EFCAB6: variants seen among roughly 807,000 people sequenced by gnomAD.
The protein encoded by EFCAB6 is EF-hand calcium binding domain 6.
EFCAB6 carries 156 observed loss-of-function variants against 169.8 expected under a neutral mutation model. The ratio of observed to expected loss-of-function variants is 0.92; its 90% CI spans 0.81 to 1.05. The LOEUF is 1.05. Among genes scored for constraint, EFCAB6 ranks in the 50% least tolerant of loss-of-function variants. The pLI is 0.00. For missense variants in EFCAB6, 1,800 were observed against 1,829.1 expected (o/e 0.98, Z 0.29); for synonymous variants, 698 against 676.4 (o/e 1.03, Z -0.50).
intron 17 of EFCAB6, among the ~76,000 whole-genome samples, chr22:43,637,484 C>T (rs1480953884): frequency 6.6e-6 from 1 of 152,202 alleles, no homozygotes; most frequent in East Asian, 1.9e-4. Context: ...TACGCTGGTC[C>T]AATCAGTCAG....
intron 10 of EFCAB6, among the ~76,000 whole-genome samples, chr22:43,693,085 C>G (rs1402578230): frequency 6.6e-6 from 1 of 152,076 alleles, no homozygotes; most frequent in Non-Finnish European, 1.5e-5. Flanking sequence ...GGAACAATGT[C>G]ATAAAGTGCC....
At chr22:43,729,984 G>A (rs2059878135) in intron 8 of EFCAB6, among the ~76,000 whole-genome samples, 1 of 151,352 alleles carries the variant, frequency 6.6e-6, no homozygotes, top group Non-Finnish European at 1.5e-5. Context: ...AACATAGTGA[G>A]ACCCTGTCTC....
Position 43,537,770 on chromosome 22 carries a change from G to A in EFCAB6, c.3880-225C>T, listed in dbSNP as rs1018307063. 6.6e-6 allele frequency among the ~76,000 whole-genome samples: 1 copy of A among 151,250 alleles called. No individual in the cohort carries two copies. Among genetic ancestry groups the A allele is most frequent in the African/African-American group, 2.4e-5 (1 of 41,072 alleles). On this transcript the variant is annotated intron_variant, in intron 28 of 31. Transcript: ENST00000262726. This position sits in a 1 kb window ranked among gnomAD's most constrained non-coding sequence, Gnocchi z 4.3. The stretch of plus-strand genomic sequence containing the variant: ...AAGCCATAATAACCAAAATAATTTT[G>A]GAAATAGCCATGTAGCCAAGGTTCA...
In EFCAB6 at chr22:43,568,164, G is replaced by T. The variant is rs190351411; in HGVS notation, c.3420+8133C>A. ...CCACAAGCCTGAACCCCAGGGCCTG[G>T]CCCAGAGCCAGGCACACATTCTCAT... On this transcript the variant is annotated intron_variant, in intron 26 of 31. Coordinates refer to ENST00000262726, the MANE Select transcript of EFCAB6 (RefSeq NM_022785.4). Among the ~76,000 whole-genome samples the T allele has an allele frequency of 7.9e-5, 12 of 152,296 alleles. No homozygotes were observed. In the East Asian group the frequency reaches 2.3e-3, roughly 29 times the overall value.
chr22:43,706,647 G>A (rs2058970712), intron 10 of EFCAB6, among the ~76,000 whole-genome samples: 2 of 152,212 alleles, frequency 1.3e-5, no homozygotes, highest in African/African-American at 4.8e-5. Flanking sequence ...CAGTTAAATA[G>A]TCTGATGTAT....
chr22:43,670,786 G>C (rs369082772), intron 15 of EFCAB6, among the ~76,000 whole-genome samples: 1 of 152,358 alleles, frequency 6.6e-6, no homozygotes, highest in South Asian at 2.1e-4. Context: ...AGGAAAGATG[G>C]TCTGAAAGTC....
intron 2 of EFCAB6, among the ~76,000 whole-genome samples, chr22:43,798,656 T>C (rs933758183): frequency 1.3e-5 from 2 of 152,164 alleles, no homozygotes; most frequent in Admixed American, 6.5e-5. Flanking sequence ...ACTGACATCA[T>C]CACTACGTCT....
chr22:43,756,700 A>C (rs890016485), intron 5 of EFCAB6, among the ~76,000 whole-genome samples: 1 of 152,084 alleles, frequency 6.6e-6, no homozygotes, highest in African/African-American at 2.4e-5. Flanking sequence ...AAATAATAAA[A>C]GGTGCCATGA....
At chr22:43,762,462 T>G (rs1429449322) in intron 5 of EFCAB6, among the ~76,000 whole-genome samples, 1 of 152,238 alleles carries the variant, frequency 6.6e-6, no homozygotes, top group Non-Finnish European at 1.5e-5. Context: ...TTACTCTATG[T>G]TTGGCCTCTG....
At chr22:43,680,716 A>G (rs1321115150) in intron 12 of EFCAB6, among the ~76,000 whole-genome samples, 2 of 152,184 alleles carry the variant, frequency 1.3e-5, no homozygotes, top group African/African-American at 4.8e-5. Context: ...GCTATTGTAA[A>G]TGGAATTGCT....
At chr22:43,732,802 T>C (rs1278006949) in intron 7 of EFCAB6, among the ~76,000 whole-genome samples, 1 of 152,172 alleles carries the variant, frequency 6.6e-6, no homozygotes, top group East Asian at 1.9e-4. Flanking sequence ...ATAAATAAGA[T>C]GTTTGAATTT....
At chr22:43,646,543 C>T (rs908334497) in intron 17 of EFCAB6, among the ~76,000 whole-genome samples, 2 of 152,078 alleles carry the variant, frequency 1.3e-5, no homozygotes, top group East Asian at 1.9e-4. Context: ...TGAAAGTTTT[C>T]GGATGTAGAC....
chr22:43,806,335 A>G (rs2062922117), intron 2 of EFCAB6, among the ~76,000 whole-genome samples: 1 of 150,600 alleles, frequency 6.6e-6, no homozygotes, highest in Non-Finnish European at 1.5e-5. Flanking sequence ...CTGCAGCCTC[A>G]CCTTCAGGGC....
chr22:43,673,312 T>C (rs2057574706), intron 13 of EFCAB6, among the ~76,000 whole-genome samples: 1 of 152,172 alleles, frequency 6.6e-6, no homozygotes, highest in Non-Finnish European at 1.5e-5. Context: ...AGTAATAGAA[T>C]AAAACATATT....
intron 5 of EFCAB6, among the ~76,000 whole-genome samples, chr22:43,758,783 A>G (rs2061046419): frequency 6.6e-6 from 1 of 152,226 alleles, no homozygotes; most frequent in African/African-American, 2.4e-5. Context: ...TGTCTGAAAA[A>G]TGTCTTTAAC....
chr22:43,724,588 T>G (rs1339844391), intron 8 of EFCAB6, among the ~76,000 whole-genome samples: 6 of 152,174 alleles, frequency 3.9e-5, no homozygotes, highest in Non-Finnish European at 7.3e-5. Context: ...CAGGCTGGTC[T>G]TTAACTCCTG....
At chr22:43,600,418 G>A (rs1192924854) in intron 22 of EFCAB6, among the ~76,000 whole-genome samples, 155 bp from the exon 23 acceptor site, 5 of 152,128 alleles carry the variant, frequency 3.3e-5, no homozygotes, top group Non-Finnish European at 7.4e-5. Context: ...AATCAGCCCC[G>A]CCTGGCAGAG....
intron 24 of EFCAB6, among the ~76,000 whole-genome samples, chr22:43,583,828 T>C (rs907482089): frequency 1.3e-5 from 2 of 151,872 alleles, no homozygotes; most frequent in Non-Finnish European, 2.9e-5. Context: ...CTGTGAGAAA[T>C]GAATTTCTGT....
chr22:43,618,776 G>A (rs765809942), intron 20 of EFCAB6, among the ~76,000 whole-genome samples: 5 of 152,172 alleles, frequency 3.3e-5, no homozygotes, highest in Non-Finnish European at 7.4e-5. Flanking sequence ...GCCCAATTCT[G>A]AGACTGCACT....
Sources: gnomAD v4.1 joint callset for allele counts (sites outside exome capture counted in the v4.1 genomes callset) on GRCh38, gnomAD v4.1.1 for gene constraint, Gnocchi (gnomAD v3.1) non-coding constraint, MANE v1.5 for transcripts, NCBI Gene and HGNC (gene_info 2026-07-23, HGNC 2026-07-21) for gene names.